The following SH3KBP1 variants were observed in gnomAD, a reference collection of about 807,000 sequenced individuals.
The protein encoded by SH3KBP1 is SH3 domain containing kinase binding protein 1, also known as SH3 domain-containing kinase-binding protein 1.
SH3KBP1 carries 8 observed loss-of-function variants against 50.1 expected under a neutral mutation model. The ratio of observed to expected loss-of-function variants is 0.16; its 90% CI spans 0.09 to 0.29. The LOEUF (loss-of-function observed/expected upper bound fraction) is 0.29. Ranked by LOEUF, SH3KBP1 falls within the 10% of genes least tolerant of loss-of-function variation. SH3KBP1 has a pLI of 1.00. For missense variants in SH3KBP1, 377 were observed against 535.2 expected, an observed-to-expected ratio of 0.70 and a Z score of 2.92; for synonymous variants, 227 against 218.6, an observed-to-expected ratio of 1.04 and a Z score of -0.34.
intron 15 of SH3KBP1, 23 bp from the exon 16 acceptor site, chrX:19,542,216 G>A: frequency 5.2e-6 from 6 of 1,155,964 alleles, no homozygotes; most frequent in Non-Finnish European, 6.9e-6. Flanking sequence ...AAGGCAGGGA[G>A]GGTTCAGGGC....
chrX:19,824,044 T>C (rs1481954829), intron 2 of SH3KBP1, among the ~76,000 whole-genome samples: 1 of 111,240 alleles, frequency 9.0e-6, no homozygotes, highest in Non-Finnish European at 1.9e-5. Flanking sequence ...GGTCTCGAAC[T>C]TCTGACCTCA....
chrX:19,686,887 T>A (rs759552212), intron 5 of SH3KBP1, among the ~76,000 whole-genome samples: 48 of 112,150 alleles, frequency 4.3e-4, no homozygotes, highest in Non-Finnish European at 8.6e-4. Context: ...GTCCTTTAAC[T>A]GTCCAATTTT....
intron 1 of SH3KBP1, among the ~76,000 whole-genome samples, chrX:19,853,267 C>T: frequency 8.9e-6 from 1 of 112,008 alleles, no homozygotes; most frequent in Admixed American, 9.4e-5. Flanking sequence ...CAAGCAGGGC[C>T]CAGGTGCCCC....
intron 2 of SH3KBP1, among the ~76,000 whole-genome samples, chrX:19,793,132 TA>T (rs1175155605): frequency 9.2e-6 from 1 of 108,149 alleles, no homozygotes; most frequent in East Asian, 2.9e-4. Context: ...CCCCATCTCT[TA>T]AAAAAATTTT....
At chrX:19,707,946 C>G (rs1447713308) in intron 3 of SH3KBP1, among the ~76,000 whole-genome samples, 1 of 112,973 alleles carries the variant, frequency 8.9e-6, no homozygotes, top group African/African-American at 3.2e-5. Flanking sequence ...GTTTGTCGTT[C>G]ATGGCTGACC....
intron 2 of SH3KBP1, 132 bp from the exon 3 acceptor site, chrX:19,746,573 A>G: frequency 1.6e-6 from 1 of 617,540 alleles, no homozygotes; most frequent in Admixed American, 3.6e-5. Context: ...ATGTTTTAAA[A>G]ACACCATTTT....
chrX:19,839,614 C>A (rs182805159), intron 1 of SH3KBP1, among the ~76,000 whole-genome samples: 1,345 of 112,586 alleles, frequency 0.012, 23 homozygotes, highest in African/African-American at 0.041. Flanking sequence ...TGAGCGACCA[C>A]CCTGGCCATT....
intron 8 of SH3KBP1, among the ~76,000 whole-genome samples, chrX:19,623,292 G>A (rs745415291): frequency 3.6e-5 from 4 of 111,793 alleles, no homozygotes; most frequent in Non-Finnish European, 7.5e-5. Context: ...AGGTGGTAAG[G>A]TCACCGGTAA....
intron 1 of SH3KBP1, among the ~76,000 whole-genome samples, chrX:19,864,464 G>C (rs1343521332): frequency 8.9e-6 from 1 of 111,869 alleles, no homozygotes; most frequent in Non-Finnish European, 1.9e-5. Flanking sequence ...TACCCACAAG[G>C]GTTCTTAAAA....
At chrX:19,604,689 C>T (rs2067191124) in intron 9 of SH3KBP1, among the ~76,000 whole-genome samples, 1 of 111,632 alleles carries the variant, frequency 9.0e-6, no homozygotes, top group African/African-American at 3.2e-5. Context: ...CAAATGACAG[C>T]CCTATCTCCA....
At chrX:19,783,002 CAGCT>C (rs1438964472) in intron 2 of SH3KBP1, among the ~76,000 whole-genome samples, 1 of 111,862 alleles carries the variant, frequency 8.9e-6, no homozygotes, top group Non-Finnish European at 1.9e-5. Context: ...AGGCACTGTG[CAGCT>C]ACTCAGGTGG....
At position 19,570,095 on chromosome X, in the gene SH3KBP1, CA is replaced by C. The variant is rs754003819; in HGVS notation, c.1299-908del. On this transcript the variant is annotated intron_variant, in intron 12 of 17. Coordinates refer to ENST00000397821, the MANE Select transcript of SH3KBP1 (RefSeq NM_031892.3). The stretch of plus-strand genomic sequence containing the variant: ...AGTTACACCTCACAATGAGTAGTAC[CA>C]GATTTAGTCAACAAGCACTTGTCAT... 1.2e-4 allele frequency among the ~76,000 whole-genome samples: 14 copies of C among 112,129 alleles called. No homozygotes were observed. In the South Asian group the frequency reaches 5.2e-3, roughly 41 times the overall value.
intron 5 of SH3KBP1, 99 bp downstream of exon 5, chrX:19,695,513 C>G (rs1458931638): frequency 2.9e-6 from 3 of 1,037,181 alleles, no homozygotes; most frequent in Non-Finnish European, 3.9e-6. Flanking sequence ...TAAGCGTTTA[C>G]TATAGCCTCT....
At chrX:19,646,195 A>G (rs111784260) in intron 6 of SH3KBP1, among the ~76,000 whole-genome samples, 23 of 112,153 alleles carry the variant, frequency 2.1e-4, no homozygotes, top group African/African-American at 7.4e-4. Context: ...GACTAGTTCA[A>G]AAAAAGAAAG....
intron 2 of SH3KBP1, among the ~76,000 whole-genome samples, chrX:19,778,602 G>C (rs1364585899): frequency 9.0e-6 from 1 of 110,627 alleles, no homozygotes; most frequent in South Asian, 3.9e-4. Flanking sequence ...GAACTAGGAA[G>C]GCCAGTAAAT....
intron 2 of SH3KBP1, among the ~76,000 whole-genome samples, chrX:19,814,238 C>T (rs2067290414): frequency 9.0e-6 from 1 of 111,396 alleles, no homozygotes; most frequent in Non-Finnish European, 1.9e-5. Flanking sequence ...TCTCACCCTC[C>T]CACTGCCACC....
At chrX:19,854,487 G>A (rs182562940) in intron 1 of SH3KBP1, among the ~76,000 whole-genome samples, 2 of 111,869 alleles carry the variant, frequency 1.8e-5, no homozygotes, top group Non-Finnish European at 3.8e-5. Flanking sequence ...GTCTACGAGA[G>A]CGATGTGCCT....
At chrX:19,779,296 C>T (rs1413935314) in intron 2 of SH3KBP1, among the ~76,000 whole-genome samples, 2 of 94,554 alleles carry the variant, frequency 2.1e-5, no homozygotes, top group African/African-American at 7.9e-5. Flanking sequence ...AAGACCCTGT[C>T]TCAAAAAAAA....
chrX:19,734,693 C>T (rs1159347221), intron 3 of SH3KBP1, among the ~76,000 whole-genome samples: 1 of 111,987 alleles, frequency 8.9e-6, no homozygotes, highest in Non-Finnish European at 1.9e-5. Context: ...TTTCCATTCC[C>T]ACCTTCAGCT....
Sources: allele counts gnomAD v4.1 joint callset (sites outside exome capture counted in the v4.1 genomes callset), GRCh38; gene constraint gnomAD v4.1.1; transcripts MANE v1.5; gene names NCBI Gene and HGNC (gene_info 2026-07-23, HGNC 2026-07-21).